Variants in PTK2B observed in about 807,000 individuals in gnomAD.
The protein encoded by PTK2B is protein tyrosine kinase 2 beta.
PTK2B carries 71 observed loss-of-function variants against 142.9 expected under a neutral mutation model. The observed-to-expected ratio is 0.50, with a 90% CI of 0.41 to 0.61. The LOEUF is 0.61. PTK2B is among the 20% of genes least tolerant of loss of function. PTK2B has a pLI of 0.00. For synonymous variants in PTK2B, 519 were observed against 503.4 expected, an observed-to-expected ratio of 1.03 and a Z score of -0.42; for missense variants, 1,105 against 1,320.4, an observed-to-expected ratio of 0.84 and a Z score of 2.53.
chr8:27,437,153 C>T lies in PTK2B; in HGVS notation c.1373C>T (p.Thr458Ile). The change falls in exon 16 of 31, where the codon ACC (threonine) becomes ATC (isoleucine). Residue 458 changes from threonine to isoleucine, a missense_variant. Physicochemically the swap from Thr to Ile is moderately conservative, Grantham distance 89 (BLOSUM62 -1). Coordinates refer to ENST00000346049, the MANE Select transcript of PTK2B (RefSeq NM_173176.3). ...KGEKINVAVKTCKKDCTLDNK... is the reference protein window; with the variant it reads ...KGEKINVAVKICKKDCTLDNK... Reference sequence around the variant, plus strand: ...GAGAAAATCAATGTAGCTGTCAAGACCTGCAAGAAAGACTGCACTCTGGAC... The same window carrying T: ...GAGAAAATCAATGTAGCTGTCAAGATCTGCAAGAAAGACTGCACTCTGGAC... The T allele has an allele frequency of 6.2e-7, 1 of 1,614,042 alleles. No individual in the cohort carries two copies. The highest frequency in any genetic ancestry group is 8.5e-7 in the Non-Finnish European group (1 of 1,179,984).
At chr8:27,312,146 CT>C (rs1172210743) in intron 1 of PTK2B, among the ~76,000 whole-genome samples, 1 of 152,190 alleles carries the variant, frequency 6.6e-6, no homozygotes, top group Non-Finnish European at 1.5e-5. Flanking sequence ...TTCATTCCTG[CT>C]TCAGTTTGAT....
intron 2 of PTK2B, among the ~76,000 whole-genome samples, chr8:27,399,927 G>A (rs1808273667): frequency 6.6e-6 from 1 of 152,202 alleles, no homozygotes; most frequent in African/African-American, 2.4e-5. Flanking sequence ...GTAAGGATTG[G>A]AGATGGTGGA....
intron 2 of PTK2B, among the ~76,000 whole-genome samples, chr8:27,408,223 G>A (rs796770645): frequency 3.3e-5 from 5 of 152,182 alleles, no homozygotes; most frequent in African/African-American, 9.6e-5. Flanking sequence ...ACAGAAATCC[G>A]GCCATAAAAC....
intron 16 of PTK2B, 80 bp downstream of exon 16, chr8:27,437,286 A>C: frequency 6.5e-7 from 1 of 1,549,742 alleles, no homozygotes; most frequent in African/African-American, 1.4e-5. Flanking sequence ...CAGTGCAGGG[A>C]CCCATGTTGG....
chr8:27,431,065 C>G (rs563545454), intron 8 of PTK2B, 49 bp downstream of exon 8: 1 of 1,581,800 alleles, frequency 6.3e-7, no homozygotes, highest in Non-Finnish European at 8.6e-7. Flanking sequence ...TTCCAGGCCT[C>G]TCGGAAAAGG....
rs1208295615 is a variant in PTK2B, at chr8:27,397,796, T to C, written c.204+8T>C. On this transcript the variant is annotated splice_region_variant and intron_variant, in intron 2 of 30. Transcript: ENST00000346049. ...GTCCAGACGGAGATCCGGGTAAGTG[T>C]GAAGTGTCTGCCCTGTCCATCTGTC... 6.2e-7 allele frequency: 1 copy of C among 1,613,636 alleles called. No individual in the cohort carries two copies. Among genetic ancestry groups the C allele is most frequent in the South Asian group, 1.1e-5 (1 of 91,074 alleles).
intron 1 of PTK2B, among the ~76,000 whole-genome samples, chr8:27,339,776 A>G (rs1447630632): frequency 6.6e-6 from 1 of 152,158 alleles, no homozygotes; most frequent in Non-Finnish European, 1.5e-5. Flanking sequence ...CATGGCCTGG[A>G]CTCCTTTCCT....
chr8:27,362,925 G>T (rs1308820204), intron 1 of PTK2B, among the ~76,000 whole-genome samples: 3 of 152,220 alleles, frequency 2.0e-5, no homozygotes, highest in Non-Finnish European at 4.4e-5. Context: ...GGTTCAGTAG[G>T]TGCGGCAGTG....
intron 1 of PTK2B, among the ~76,000 whole-genome samples, chr8:27,333,501 G>T (rs1431637080): frequency 6.6e-6 from 1 of 152,282 alleles, no homozygotes; most frequent in African/African-American, 2.4e-5. Flanking sequence ...AATAAATTGC[G>T]TAACTCAGAT....
At chr8:27,311,208 CG>C, upstream of PTK2B, 4 of 1,586,610 alleles carry the variant, frequency 2.5e-6, no homozygotes, top group Admixed American at 1.7e-5. Context: ...CGGGAAGGCC[CG>C]GGGGACACGT....
chr8:27,423,427 G>A (rs570411124), intron 5 of PTK2B, among the ~76,000 whole-genome samples: 17 of 152,186 alleles, frequency 1.1e-4, no homozygotes, highest in Admixed American at 7.2e-4. Context: ...AACTGGAGAC[G>A]TCCTGGCCCT....
intron 27 of PTK2B, chr8:27,451,715 C>G: frequency 7.0e-7 from 1 of 1,418,574 alleles, no homozygotes; most frequent in South Asian, 1.5e-5. Flanking sequence ...AGCACCCTGC[C>G]CTTCTCTCTC....
At chr8:27,349,974 G>T (rs1563209672) in intron 1 of PTK2B, among the ~76,000 whole-genome samples, 1 of 152,188 alleles carries the variant, frequency 6.6e-6, no homozygotes, top group Non-Finnish European at 1.5e-5. Context: ...GACCAAGGTG[G>T]CTGGTTATCA....
At chr8:27,409,441 G>A (rs1054018045) in intron 2 of PTK2B, among the ~76,000 whole-genome samples, 1 of 152,142 alleles carries the variant, frequency 6.6e-6, no homozygotes, top group Non-Finnish European at 1.5e-5. Flanking sequence ...AATTAAATGT[G>A]TTCAGCACAG....
At chr8:27,386,826 A>C (rs1807390110) in intron 1 of PTK2B, among the ~76,000 whole-genome samples, 2 of 151,670 alleles carry the variant, frequency 1.3e-5, no homozygotes, top group South Asian at 4.1e-4. Context: ...GGTGGGCTAC[A>C]TCTGTACAGT....
intron 27 of PTK2B, 153 bp from the exon 28 acceptor site, chr8:27,452,961 G>A (rs1811910129): frequency 2.4e-6 from 2 of 843,952 alleles, no homozygotes; most frequent in Non-Finnish European, 3.7e-6. Context: ...AGACCAGGAG[G>A]TTCCTTCCCC....
chr8:27,454,325 G>A lies in PTK2B; in HGVS notation c.2733+34G>A, dbSNP rs41304206. The A allele has an allele frequency of 5.4e-4, 866 of 1,601,394 alleles. 2 individuals carry two copies. The highest frequency in any genetic ancestry group is 6.8e-4 in the Non-Finnish European group (793 of 1,174,110). The stretch of plus-strand genomic sequence containing the variant: ...AGGGCTGGGTTGGGGAGGTGGAGGC[G>A]GCTCAAGTCCGCCCTGGAAGGAAAG... On this transcript the variant is annotated intron_variant, in intron 29 of 30. Transcript: ENST00000346049.
chr8:27,378,402 A>T (rs963636946), intron 1 of PTK2B, among the ~76,000 whole-genome samples: 1 of 152,212 alleles, frequency 6.6e-6, no homozygotes, highest in African/African-American at 2.4e-5. Context: ...CTGAACGATC[A>T]CTTTAAACAG....
chr8:27,333,588 G>A (rs1049781515), intron 1 of PTK2B, among the ~76,000 whole-genome samples: 1 of 152,178 alleles, frequency 6.6e-6, no homozygotes, highest in South Asian at 2.1e-4. Flanking sequence ...GTTCTTTGAT[G>A]AATTTGAGAG....
Sources: allele counts gnomAD v4.1 joint callset (sites outside exome capture counted in the v4.1 genomes callset), GRCh38; gene constraint gnomAD v4.1.1; transcripts MANE v1.5; gene names NCBI Gene and HGNC (gene_info 2026-07-23, HGNC 2026-07-21).